ABCA12: variants seen among roughly 807,000 people sequenced by gnomAD.
ABCA12 encodes glucosylceramide transporter ABCA12.
A neutral mutation model predicts 293.5 loss-of-function variants in ABCA12; 156 were observed. That is an observed-to-expected ratio of 0.53 (90% confidence interval 0.47 to 0.61). The LOEUF is 0.61. Among genes scored for constraint, ABCA12 ranks in the 20% least tolerant of loss-of-function variants. ABCA12 has a pLI of 0.00. For missense variants in ABCA12, 2,797 were observed against 3,090.2 expected (o/e 0.91, Z 2.25); for synonymous variants, 1,063 against 1,108.0 (o/e 0.96, Z 0.81).
intron 8 of ABCA12, among the ~76,000 whole-genome samples, chr2:215,035,230 A>G (rs1700966612): frequency 6.6e-6 from 1 of 152,252 alleles, no homozygotes; most frequent in East Asian, 1.9e-4. Context: ...ACATTAATAC[A>G]TCTGCATTGA....
intron 2 of ABCA12, among the ~76,000 whole-genome samples, chr2:215,104,549 CAG>C (rs1336779991): frequency 6.6e-6 from 1 of 152,200 alleles, no homozygotes; most frequent in Non-Finnish European, 1.5e-5. Context: ...CTGGAGGAAA[CAG>C]GGTCCCAATC....
At chr2:215,021,839 A>G (rs772642854) in intron 11 of ABCA12, among the ~76,000 whole-genome samples, 1 of 152,178 alleles carries the variant, frequency 6.6e-6, no homozygotes, top group Non-Finnish European at 1.5e-5. Flanking sequence ...TCATTGGTCT[A>G]TTTTCCATTG....
intron 1 of ABCA12, among the ~76,000 whole-genome samples, chr2:215,132,842 A>G (rs1246658987): frequency 6.6e-6 from 1 of 152,016 alleles, no homozygotes; most frequent in African/African-American, 2.4e-5. Context: ...TGAGCTTTGT[A>G]CTTATGTATC....
At chr2:215,134,009 CAGTT>C (rs1703119009) in intron 1 of ABCA12, among the ~76,000 whole-genome samples, 1 of 151,852 alleles carries the variant, frequency 6.6e-6, no homozygotes, top group African/African-American at 2.4e-5. Flanking sequence ...AAAATTAAGT[CAGTT>C]AGATATGTCC....
intron 9 of ABCA12, among the ~76,000 whole-genome samples, chr2:215,031,542 A>G (rs573750836): frequency 2.6e-5 from 4 of 152,224 alleles, no homozygotes; most frequent in Non-Finnish European, 5.9e-5. Flanking sequence ...CCTCATAGGC[A>G]TAAGGTAACC....
intron 26 of ABCA12, 138 bp downstream of exon 26, chr2:214,989,191 T>TATATATATATATATATATAC (rs1699856708): frequency 1.7e-5 from 1 of 57,918 alleles, no homozygotes; most frequent in African/African-American, 3.8e-5. Context: ...TACATACATA[T>TATATATATATATATATATAC]ATATATATAT....
chr2:215,017,851 C>T, intron 14 of ABCA12, 157 bp downstream of exon 14: 1 of 981,706 alleles, frequency 1.0e-6, no homozygotes, highest in Non-Finnish European at 1.5e-6. Context: ...AATTTTTCTT[C>T]TATCTTTAAT....
chr2:215,049,924 C>A, intron 5 of ABCA12, 113 bp from the exon 6 acceptor site: 3 of 892,178 alleles, frequency 3.4e-6, no homozygotes, highest in Non-Finnish European at 5.3e-6. Context: ...TTGAGGTCCT[C>A]CATTATAGCA....
chr2:215,066,011 G>A (rs995261948), intron 2 of ABCA12, among the ~76,000 whole-genome samples: 5 of 152,018 alleles, frequency 3.3e-5, no homozygotes, highest in African/African-American at 1.2e-4. Context: ...GAAAATTGCA[G>A]TGAACCAATA....
chr2:215,072,164 A>G (rs1559178038), intron 2 of ABCA12, among the ~76,000 whole-genome samples: 1 of 152,226 alleles, frequency 6.6e-6, no homozygotes, highest in Non-Finnish European at 1.5e-5. Flanking sequence ...TACAGCCACA[A>G]GGAACAAGAA....
intron 6 of ABCA12, among the ~76,000 whole-genome samples, chr2:215,047,328 G>A (rs1559165496): frequency 6.6e-6 from 1 of 152,104 alleles, no homozygotes; most frequent in Non-Finnish European, 1.5e-5. Flanking sequence ...GGGATATACT[G>A]TTTTATCAAA....
At chr2:215,105,582 C>CAA (rs900452841) in intron 2 of ABCA12, among the ~76,000 whole-genome samples, 91 of 136,550 alleles carry the variant, frequency 6.7e-4, no homozygotes, top group African/African-American at 2.6e-3. Flanking sequence ...CTTCAAGACA[C>CAA]ACACACACAC....
chr2:215,059,585 T>C (rs180748172), intron 3 of ABCA12, among the ~76,000 whole-genome samples: 89 of 152,118 alleles, frequency 5.9e-4, no homozygotes, highest in African/African-American at 2.0e-3. Flanking sequence ...GGAAAGACTT[T>C]GGAGTTAGTT....
At chr2:214,947,593 T>C (rs770215233) in intron 47 of ABCA12, 37 bp from the exon 48 acceptor site, 1 of 1,612,560 alleles carries the variant, frequency 6.2e-7, no homozygotes, top group South Asian at 1.1e-5. Flanking sequence ...TTGACCTTCC[T>C]GTGCCAAAAC....
chr2:214,994,761 G>A (rs1007610550), intron 23 of ABCA12, among the ~76,000 whole-genome samples: 1 of 152,112 alleles, frequency 6.6e-6, no homozygotes, highest in Non-Finnish European at 1.5e-5. Context: ...CAAAAAAATT[G>A]TTTAATGTGA....
At chr2:215,050,097 A>G (rs1701288339) in intron 5 of ABCA12, among the ~76,000 whole-genome samples, 1 of 152,160 alleles carries the variant, frequency 6.6e-6, no homozygotes, top group Non-Finnish European at 1.5e-5. Context: ...CTCAATGCAC[A>G]GAGTCTTTGC....
intron 23 of ABCA12, among the ~76,000 whole-genome samples, chr2:214,993,166 A>G (rs2105979775): frequency 6.6e-6 from 1 of 152,340 alleles, no homozygotes; most frequent in East Asian, 1.9e-4. Flanking sequence ...CCACTGAGAA[A>G]GACCCTGTGA....
At chr2:215,078,372 G>A (rs1701873641) in intron 2 of ABCA12, among the ~76,000 whole-genome samples, 1 of 152,168 alleles carries the variant, frequency 6.6e-6, no homozygotes, top group African/African-American at 2.4e-5. Flanking sequence ...ATTGTGTTTA[G>A]CCTTTGTCTT....
Position 215,052,468 on chromosome 2 carries a change from C to T in ABCA12, c.507+19G>A, listed in dbSNP as rs988287714. On this transcript the variant is annotated intron_variant, in intron 5 of 52. Transcript: ENST00000272895. Reference sequence around the variant, plus strand: ...CTATGTTGAATCACTCTACCCATTACAAAATTGAATCAAGTTACCTTTTCC... The same window carrying T: ...CTATGTTGAATCACTCTACCCATTATAAAATTGAATCAAGTTACCTTTTCC... 3 of 1,602,264 alleles carry T rather than the reference C, an allele frequency of 1.9e-6. No homozygotes were observed. The highest frequency in any genetic ancestry group is 2.6e-6 in the Non-Finnish European group (3 of 1,169,922).
Sources: gnomAD v4.1 joint callset for allele counts (sites outside exome capture counted in the v4.1 genomes callset) on GRCh38, gnomAD v4.1.1 for gene constraint, MANE v1.5 for transcripts, NCBI Gene and HGNC (gene_info 2026-07-23, HGNC 2026-07-21) for gene names.